The following ORC4 variants were observed in gnomAD, a reference collection of about 807,000 sequenced individuals.
ORC4 encodes origin recognition complex subunit 4, also known as origin recognition complex, subunit 4 homolog.
A neutral mutation model predicts 63.9 loss-of-function variants in ORC4; 55 were observed. That is an observed-to-expected ratio of 0.86 (90% CI 0.69 to 1.08). The LOEUF is 1.08. Among genes scored for constraint, ORC4 ranks in the 50% least tolerant of loss-of-function variants. The pLI, the probability that ORC4 is intolerant of heterozygous loss-of-function variation, is 0.00. For missense variants in ORC4, 511 were observed against 504.4 expected (o/e 1.01, Z -0.13); for synonymous variants, 150 against 168.5 (o/e 0.89, Z 0.85).
rs2105234158 is a variant in ORC4, at chr2:147,931,029, C to T, written c.*4481G>A. ...CCATCCCCCCACCCCACAACAGTCC[C>T]CAGAGTGTGATATTCCCCTTCCTGT... is the stretch of plus-strand genomic sequence containing the variant. On this transcript the variant is annotated 3_prime_UTR_variant, in exon 14 of 14. Coordinates refer to ENST00000392857, the MANE Select transcript of ORC4 (RefSeq NM_181741.4). The T allele has an allele frequency of 6.9e-6, 1 of 144,860 alleles. No individual in the cohort carries two copies. The highest frequency in any genetic ancestry group is 2.3e-4 in the South Asian group (1 of 4,398). The allele number at this position is 144,860 out of a possible 1,614,324, so 9.0% of individuals were successfully genotyped here. A position where few individuals can be genotyped will look rare whatever the true frequency, so the allele number is the denominator to read the frequency against.
At chr2:147,971,356 A>T (rs1361822877) in intron 4 of ORC4, among the ~76,000 whole-genome samples, 1 of 151,664 alleles carries the variant, frequency 6.6e-6, no homozygotes, top group African/African-American at 2.4e-5. Context: ...AAAGCCACAG[A>T]CTGTAAGAAA....
At chr2:147,987,413 A>C (rs73005159) in intron 1 of ORC4, among the ~76,000 whole-genome samples, 67,064 of 140,042 alleles carry the variant, frequency 0.48, 16,026 homozygotes, top group East Asian at 0.64. Flanking sequence ...CACACACACA[A>C]AAAGTAACAT....
chr2:147,960,228 T>C, intron 4 of ORC4: 1 of 983,530 alleles, frequency 1.0e-6, no homozygotes, highest in South Asian at 4.7e-5. Flanking sequence ...TAGCTTTCTT[T>C]CCACTCAACT....
rs145847333 is a variant in ORC4 at position 148,004,940 on chromosome 2, G to A, written c.-18+15693C>T. ...GGAGAGGATGTGGAAAAACAGGAACGCTTTTACACTGTTGGTGGGAACATA... is the reference window on the plus strand; with the variant it reads ...GGAGAGGATGTGGAAAAACAGGAACACTTTTACACTGTTGGTGGGAACATA... On this transcript the variant is annotated intron_variant, in intron 1 of 13. Coordinates refer to ENST00000392857, the MANE Select transcript of ORC4 (RefSeq NM_181741.4). 2.4e-3 allele frequency among the ~76,000 whole-genome samples: 361 copies of A among 152,242 alleles called. 2 individuals carry two copies. Among genetic ancestry groups the A allele is most frequent in the African/African-American group, 8.0e-3 (332 of 41,542 alleles).
At chr2:147,972,644 T>C in intron 4 of ORC4, 95 bp downstream of exon 4, 1 of 617,494 alleles carries the variant, frequency 1.6e-6, no homozygotes, top group South Asian at 2.8e-5. Context: ...ATTTTCAGTA[T>C]TACATAAAAT....
intron 1 of ORC4, among the ~76,000 whole-genome samples, chr2:147,992,774 C>T (rs755063717): frequency 1.3e-5 from 2 of 152,154 alleles, no homozygotes; most frequent in African/African-American, 2.4e-5. Flanking sequence ...CTCCTAACTT[C>T]CTGTCTCTGG....
chr2:147,953,779 C>CGTTA (rs1689101721), intron 7 of ORC4, among the ~76,000 whole-genome samples: 2 of 152,082 alleles, frequency 1.3e-5, no homozygotes, highest in Non-Finnish European at 2.9e-5. Context: ...TTAGGCTTAA[C>CGTTA]GCCTTTATAT....
intron 1 of ORC4, among the ~76,000 whole-genome samples, chr2:147,978,309 C>T (rs1272979256): frequency 1.3e-5 from 2 of 152,128 alleles, no homozygotes; most frequent in Non-Finnish European, 2.9e-5. Context: ...GCTGAATCCC[C>T]GATTCAGAGC....
chr2:147,989,293 A>G (rs1691426425), intron 1 of ORC4, among the ~76,000 whole-genome samples: 1 of 152,104 alleles, frequency 6.6e-6, no homozygotes, highest in South Asian at 2.1e-4. Flanking sequence ...GGGGTGGAGT[A>G]TGGGGGCATA....
intron 1 of ORC4, among the ~76,000 whole-genome samples, chr2:147,996,389 A>C (rs1691976732): frequency 1.3e-5 from 2 of 152,232 alleles, no homozygotes; most frequent in Admixed American, 1.3e-4. Context: ...ATGTGTTTTT[A>C]GATACAACAC....
intron 4 of ORC4, 28 bp from the exon 5 acceptor site, chr2:147,958,894 A>G (rs374306679): frequency 3.3e-6 from 3 of 911,538 alleles, no homozygotes; most frequent in African/African-American, 3.3e-5. Flanking sequence ...ATGAAATAAT[A>G]ATAGGTAAAA....
chr2:148,017,582 G>C (rs746933096), intron 1 of ORC4, among the ~76,000 whole-genome samples: 4 of 152,190 alleles, frequency 2.6e-5, no homozygotes, highest in African/African-American at 2.4e-5. Context: ...TGAGGCAGGA[G>C]AATCACTTGA....
intron 7 of ORC4, 70 bp downstream of exon 7, chr2:147,955,277 A>G: frequency 1.9e-6 from 2 of 1,051,190 alleles, no homozygotes; most frequent in Admixed American, 2.0e-5. Flanking sequence ...AGCTTGTATT[A>G]CCTTTATAAT....
chr2:147,972,768 T>C lies in ORC4; in HGVS notation c.196A>G (p.Ile66Val), dbSNP rs1690294597. Residue 66 changes from isoleucine (I) to valine (V), a missense_variant, in exon 4 of 14, where the codon ATC becomes GTC. Ile to Val is a conservative substitution (Grantham distance 29). Transcript: ENST00000392857. ...GTTTTTCCTGATCCTCGGGGTCCGA[T>C]AATAAGGACAGAGTTACTCTCTCCA... Reference protein sequence around the residue: ...LHGESNSVLIIGPRGSGKTML... With the variant: ...LHGESNSVLIVGPRGSGKTML... The C allele has an allele frequency of 3.7e-6, 6 of 1,610,372 alleles. No homozygotes were observed. Among genetic ancestry groups the C allele is most frequent in the Non-Finnish European group, 5.1e-6 (6 of 1,177,454 alleles).
chr2:147,965,385 C>T (rs188463772), intron 4 of ORC4, among the ~76,000 whole-genome samples: 234 of 150,698 alleles, frequency 1.6e-3, no homozygotes, highest in Non-Finnish European at 3.0e-3. Context: ...CTACAAGAAA[C>T]TCACCTCACC....
chr2:147,947,958 C>G, intron 9 of ORC4, 93 bp downstream of exon 9: 1 of 984,588 alleles, frequency 1.0e-6, no homozygotes, highest in South Asian at 1.3e-5. Context: ...ATATTAGAAA[C>G]TTTGTGTTAA....
upstream of ORC4, chr2:148,021,444 A>G (rs1194883730): frequency 1.8e-6 from 1 of 565,222 alleles, no homozygotes; most frequent in East Asian, 4.7e-5. Flanking sequence ...TTAGCAACAC[A>G]GACCCTTTGC....
At chr2:147,966,105 G>A (rs1689877708) in intron 4 of ORC4, among the ~76,000 whole-genome samples, 1 of 152,034 alleles carries the variant, frequency 6.6e-6, no homozygotes, top group Middle Eastern at 3.4e-3. Flanking sequence ...ATGGAAATTA[G>A]ACAACATGCC....
At chr2:147,987,604 A>G (rs1279268377) in intron 1 of ORC4, among the ~76,000 whole-genome samples, 1 of 152,098 alleles carries the variant, frequency 6.6e-6, no homozygotes. Flanking sequence ...TACCCAAAAA[A>G]AAGCATTTAA....
Sources: allele counts gnomAD v4.1 joint callset (sites outside exome capture counted in the v4.1 genomes callset), GRCh38; gene constraint gnomAD v4.1.1; transcripts MANE v1.5; gene names NCBI Gene and HGNC (gene_info 2026-07-23, HGNC 2026-07-21).